The following SCN9A variants were observed in gnomAD, a reference collection of about 807,000 sequenced individuals.
The protein encoded by SCN9A is sodium voltage-gated channel alpha subunit 9, also known as sodium channel protein type 9 subunit alpha.
In SCN9A, 131 loss-of-function variants were observed where a neutral mutation model predicts 187.0. The observed-to-expected ratio is 0.70, with a 90% CI of 0.61 to 0.81. The LOEUF (loss-of-function observed/expected upper bound fraction) is 0.81. Among genes scored for constraint, SCN9A ranks in the 30% least tolerant of loss-of-function variants. The pLI is 0.00. For missense variants in SCN9A, 2,252 were observed against 2,396.6 expected, an observed-to-expected ratio of 0.94 and a Z score of 1.26; for synonymous variants, 809 against 808.6, an observed-to-expected ratio of 1.00 and a Z score of -0.01.
Position 166,228,853 on chromosome 2 carries a change from A to G in SCN9A, c.4044T>C (p.Tyr1348=). ...MGVNLFAGKF[Y]ECINTTDGSR... Reference sequence around the variant, plus strand: ...ACCCATCTGTGGTGTTAATACACTCATAGAACTTGCCAGCAAACAAATTTA... The same window carrying G: ...ACCCATCTGTGGTGTTAATACACTCGTAGAACTTGCCAGCAAACAAATTTA... Residue 1348 remains tyrosine (Y), a synonymous_variant, in exon 22 of 27, where the codon TAT becomes TAC. Transcript: ENST00000642356. 1 of 1,613,968 alleles carries G rather than the reference A, an allele frequency of 6.2e-7. No individual in the cohort carries two copies. The highest frequency in any genetic ancestry group is 8.5e-7 in the Non-Finnish European group (1 of 1,179,848).
Position 166,294,590 on chromosome 2 carries a change from A to G in SCN9A, c.965+9T>C. The G allele has an allele frequency of 6.2e-7, 1 of 1,602,526 alleles. No homozygotes were observed. Among genetic ancestry groups the G allele is most frequent in the Non-Finnish European group, 8.5e-7 (1 of 1,171,540 alleles). ...CCTTTAGACTAAAAAGAAAACAAAT[A>G]TTACATACCCTGAATCTGTGCTGAA... On this transcript the variant is annotated intron_variant, in intron 8 of 26. Transcript: ENST00000642356.
intron 2 of SCN9A, among the ~76,000 whole-genome samples, chr2:166,308,375 G>A (rs933569126): frequency 1.3e-5 from 2 of 152,014 alleles, no homozygotes; most frequent in African/African-American, 2.4e-5. Flanking sequence ...TCATGGGAGC[G>A]GTTTCCCCAG....
chr2:166,216,491 A>T (rs1305592795), intron 24 of SCN9A, among the ~76,000 whole-genome samples: 1 of 152,058 alleles, frequency 6.6e-6, no homozygotes, highest in Non-Finnish European at 1.5e-5. Context: ...AACCCTGAAC[A>T]CTCTACTGAG....
chr2:166,211,762 A>G (rs894165337), intron 24 of SCN9A, among the ~76,000 whole-genome samples: 1 of 152,088 alleles, frequency 6.6e-6, no homozygotes, highest in African/African-American at 2.4e-5. Context: ...CACAAGGAAA[A>G]TCCACGTAAA....
intron 17 of SCN9A, among the ~76,000 whole-genome samples, chr2:166,268,595 T>C (rs1210633213): frequency 6.6e-6 from 1 of 151,898 alleles, no homozygotes; most frequent in East Asian, 1.9e-4. Flanking sequence ...GTGATCTGAA[T>C]GGGAAAACAA....
chr2:166,235,854 A>T (rs1017656741), intron 20 of SCN9A, among the ~76,000 whole-genome samples: 1 of 146,078 alleles, frequency 6.8e-6, no homozygotes, highest in Non-Finnish European at 1.5e-5. Context: ...TGCACATTAC[A>T]TACCCCTGAA....
At chr2:166,219,921 A>G (rs1015762367) in intron 24 of SCN9A, among the ~76,000 whole-genome samples, 16 of 152,178 alleles carry the variant, frequency 1.1e-4, no homozygotes, top group Non-Finnish European at 1.5e-4. Flanking sequence ...GTACCCCATA[A>G]ATAAGCACAA....
At chr2:166,345,028 A>T (rs1699867595) in intron 1 of SCN9A, among the ~76,000 whole-genome samples, 1 of 152,118 alleles carries the variant, frequency 6.6e-6, no homozygotes, top group South Asian at 2.1e-4. Context: ...AGCTGATTTT[A>T]TTGTGAATAT....
At chr2:166,342,568 C>A (rs1317342680) in intron 1 of SCN9A, among the ~76,000 whole-genome samples, 10 of 152,008 alleles carry the variant, frequency 6.6e-5, no homozygotes, top group Non-Finnish European at 1.2e-4. Flanking sequence ...AATAGAGTCT[C>A]CAATTATTTT....
At chr2:166,224,394 C>A (rs1694757669) in intron 24 of SCN9A, among the ~76,000 whole-genome samples, 2 of 151,632 alleles carry the variant, frequency 1.3e-5, no homozygotes, top group South Asian at 4.1e-4. Flanking sequence ...TGTCTACTTG[C>A]AAATAGTCAA....
intron 17 of SCN9A, among the ~76,000 whole-genome samples, chr2:166,263,194 A>G (rs184894826): frequency 1.3e-5 from 2 of 152,134 alleles, no homozygotes; most frequent in East Asian, 3.9e-4. Context: ...CAGAGATGCC[A>G]ATAGGATCAG....
At chr2:166,251,689 G>A in intron 18 of SCN9A, 76 bp downstream of exon 18, 1 of 1,509,360 alleles carries the variant, frequency 6.6e-7, no homozygotes, top group Non-Finnish European at 9.2e-7. Context: ...ACAACCTCTG[G>A]TAAGTATTAG....
At chr2:166,343,592 C>T (rs192655074) in intron 1 of SCN9A, among the ~76,000 whole-genome samples, 282 of 152,150 alleles carry the variant, frequency 1.9e-3, no homozygotes, top group African/African-American at 6.4e-3. Flanking sequence ...CTCTAAACCA[C>T]GGTTTCCTCA....
chr2:166,321,015 C>T (rs925713306), intron 1 of SCN9A, among the ~76,000 whole-genome samples: 13 of 152,128 alleles, frequency 8.5e-5, no homozygotes, highest in African/African-American at 2.9e-4. Flanking sequence ...GCATAAAATA[C>T]TAACGTGAAC....
At chr2:166,269,702 A>C (rs1278793229) in intron 17 of SCN9A, among the ~76,000 whole-genome samples, 1 of 152,078 alleles carries the variant, frequency 6.6e-6, no homozygotes, top group African/African-American at 2.4e-5. Flanking sequence ...CATACTAAGA[A>C]TAAGAATTTT....
intron 1 of SCN9A, among the ~76,000 whole-genome samples, chr2:166,327,973 A>G (rs1699405719): frequency 6.6e-6 from 1 of 152,194 alleles, no homozygotes; most frequent in Admixed American, 6.6e-5. Context: ...ATGAATACAC[A>G]GCTTCATTTA....
At chr2:166,375,053 A>T (rs1700655901) in intron 1 of SCN9A, among the ~76,000 whole-genome samples, 1 of 152,202 alleles carries the variant, frequency 6.6e-6, no homozygotes, top group African/African-American at 2.4e-5. Flanking sequence ...CTAAAAGTAA[A>T]TGAGTTTCCC....
intron 1 of SCN9A, among the ~76,000 whole-genome samples, chr2:166,341,720 A>G (rs1358407639): frequency 6.6e-6 from 1 of 152,198 alleles, no homozygotes; most frequent in African/African-American, 2.4e-5. Context: ...ATTAGTTGCT[A>G]TTATATTACT....
chr2:166,359,491 T>C (rs1295923934), intron 1 of SCN9A, among the ~76,000 whole-genome samples: 2 of 152,156 alleles, frequency 1.3e-5, no homozygotes, highest in African/African-American at 4.8e-5. Context: ...ACCAAATACT[T>C]TTCATTAAAT....
Sources: allele counts gnomAD v4.1 joint callset (sites outside exome capture counted in the v4.1 genomes callset), GRCh38; gene constraint gnomAD v4.1.1; transcripts MANE v1.5; gene names NCBI Gene and HGNC (gene_info 2026-07-23, HGNC 2026-07-21).